The following CCNB3 variants were observed in gnomAD, a reference collection of about 807,000 sequenced individuals.
CCNB3 encodes cyclin B3.
CCNB3 carries 12 observed loss-of-function variants against 68.0 expected under a neutral mutation model. The observed-to-expected ratio is 0.18, with a 90% CI of 0.11 to 0.29. The LOEUF (loss-of-function observed/expected upper bound fraction) is 0.29, where lower values mean the gene tolerates loss of function less well. Ranked by LOEUF, CCNB3 falls within the 10% of genes least tolerant of loss-of-function variation. The pLI, the probability that CCNB3 is intolerant of heterozygous loss-of-function variation, is 1.00. For synonymous variants in CCNB3, 354 were observed against 388.9 expected (o/e 0.91, Z 1.06); for missense variants, 904 against 993.1 (o/e 0.91, Z 1.21).
chrX:50,314,981 G>A (rs1921647567), intron 8 of CCNB3, among the ~76,000 whole-genome samples: 1 of 111,751 alleles, frequency 8.9e-6, no homozygotes, highest in African/African-American at 3.2e-5. Context: ...ATCTCTGCCA[G>A]CTGGAATGAT....
At chrX:50,325,420 A>C (rs73495659) in intron 8 of CCNB3, among the ~76,000 whole-genome samples, 12,762 of 111,738 alleles carry the variant, frequency 0.11, 1,785 homozygotes, top group African/African-American at 0.4. Context: ...GCAAAGGTTC[A>C]CACCAAGGTT....
chrX:50,336,625 C>T (rs1325985051), intron 8 of CCNB3, among the ~76,000 whole-genome samples: 1 of 111,718 alleles, frequency 9.0e-6, no homozygotes, highest in South Asian at 3.8e-4. Flanking sequence ...CATAGAATTG[C>T]GCTGGACTCT....
intron 11 of CCNB3, among the ~76,000 whole-genome samples, chrX:50,350,884 A>G (rs1381331256): frequency 1.8e-5 from 2 of 109,856 alleles, no homozygotes; most frequent in Non-Finnish European, 3.8e-5. Context: ...TTTAAAAGAG[A>G]TAGGGTCTTG....
intron 1 of CCNB3, among the ~76,000 whole-genome samples, chrX:50,226,991 A>G (rs1394952021): frequency 9.0e-5 from 7 of 78,125 alleles, no homozygotes; most frequent in Non-Finnish European, 1.3e-4. Flanking sequence ...TATATATAGA[A>G]TATATAAATA....
chrX:50,305,549 A>G (rs1445616615), intron 5 of CCNB3, among the ~76,000 whole-genome samples: 6 of 110,354 alleles, frequency 5.4e-5, no homozygotes, highest in Non-Finnish European at 3.8e-5. Context: ...AGATATACCT[A>G]ATGTTAAATG....
rs17003318 is a variant in CCNB3 at position 50,312,711 on chromosome X, A to G, written c.3423+79A>G. On this transcript the variant is annotated intron_variant, in intron 7 of 12. Coordinates refer to ENST00000376042, the MANE Select transcript of CCNB3 (RefSeq NM_033031.3). ...TTCCATCCTTCAGTGTGCAAGTTGA[A>G]AGGGGTGGTAATAATGATGATAAAA... 684 of 609,011 alleles carry G rather than the reference A, an allele frequency of 1.1e-3. 5 individuals carry two copies. In the African/African-American group the frequency reaches 0.014, roughly 12 times the overall value. The allele number at this position is 609,011 out of a possible 1,213,427, so 50.2% of individuals were successfully genotyped here. A position where few individuals can be genotyped will look rare whatever the true frequency, so the allele number is the denominator to read the frequency against.
chrX:50,304,844 G>C (rs1377368179), intron 5 of CCNB3, among the ~76,000 whole-genome samples: 1 of 111,927 alleles, frequency 8.9e-6, no homozygotes, highest in African/African-American at 3.3e-5. Context: ...AGTAGGCGAA[G>C]GATATGAACA....
intron 8 of CCNB3, among the ~76,000 whole-genome samples, chrX:50,332,735 C>T (rs1922658437): frequency 2.7e-5 from 3 of 111,485 alleles, no homozygotes; most frequent in Middle Eastern, 4.6e-3. Context: ...CCACTGTGGC[C>T]GCAAAGGGGC....
intron 4 of CCNB3, among the ~76,000 whole-genome samples, chrX:50,291,005 A>G (rs1425154336): frequency 9.0e-6 from 1 of 111,701 alleles, no homozygotes; most frequent in Non-Finnish European, 1.9e-5. Context: ...GAGGTTCCCT[A>G]TATGATAATT....
chrX:50,296,874 G>A (rs1270316841), intron 5 of CCNB3, among the ~76,000 whole-genome samples: 2 of 109,165 alleles, frequency 1.8e-5, no homozygotes, highest in Non-Finnish European at 1.9e-5. Flanking sequence ...TTTCTCTGAT[G>A]GCCAGTGATG....
At chrX:50,287,235 C>T (rs1189873003) in intron 3 of CCNB3, among the ~76,000 whole-genome samples, 2 of 110,877 alleles carry the variant, frequency 1.8e-5, no homozygotes, top group Non-Finnish European at 3.8e-5. Flanking sequence ...AACCTCTAAC[C>T]CTATAGAGAT....
intron 5 of CCNB3, among the ~76,000 whole-genome samples, chrX:50,299,291 C>T (rs1602212432): frequency 9.0e-6 from 1 of 111,186 alleles, no homozygotes. Flanking sequence ...TTTCCCTCTA[C>T]ACACTGCTTT....
intron 1 of CCNB3, among the ~76,000 whole-genome samples, chrX:50,227,072 T>C (rs1314167746): frequency 2.5e-5 from 2 of 79,075 alleles, no homozygotes; most frequent in Non-Finnish European, 4.5e-5. Context: ...TATATACAAA[T>C]ATAAAGAATA....
intron 4 of CCNB3, 48 bp downstream of exon 4, chrX:50,288,935 G>T: frequency 1.2e-6 from 1 of 860,119 alleles, no homozygotes; most frequent in Non-Finnish European, 1.7e-6. Context: ...ATAAGGCTTA[G>T]ACATGCTGTT....
intron 3 of CCNB3, among the ~76,000 whole-genome samples, chrX:50,287,886 G>A (rs782472015): frequency 6.3e-5 from 7 of 110,368 alleles, no homozygotes; most frequent in South Asian, 3.9e-4. Flanking sequence ...ACTCCCCATC[G>A]CTCATATTAC....
intron 11 of CCNB3, among the ~76,000 whole-genome samples, chrX:50,349,656 T>C (rs1282256318): frequency 1.8e-5 from 2 of 112,072 alleles, no homozygotes; most frequent in Non-Finnish European, 3.8e-5. Flanking sequence ...ACTCCCCTAC[T>C]CAGCACGCCA....
At chrX:50,286,863 C>T (rs371062582) in intron 3 of CCNB3, among the ~76,000 whole-genome samples, 21 of 110,720 alleles carry the variant, frequency 1.9e-4, no homozygotes, top group East Asian at 8.6e-4. Flanking sequence ...TTGGCCCGAA[C>T]GGTCTCAATC....
intron 5 of CCNB3, among the ~76,000 whole-genome samples, chrX:50,301,531 T>C (rs1327502386): frequency 8.9e-6 from 1 of 112,006 alleles, no homozygotes; most frequent in East Asian, 2.8e-4. Context: ...GTGTGAGGTG[T>C]CAGTCCGCCC....
At chrX:50,311,532 T>G in intron 6 of CCNB3, 36 bp downstream of exon 6, 2 of 1,022,546 alleles carry the variant, frequency 2.0e-6, no homozygotes, top group Non-Finnish European at 2.7e-6. Context: ...TTAGATAAAT[T>G]GTTCTTTGAT....
Sources: allele counts gnomAD v4.1 joint callset (sites outside exome capture counted in the v4.1 genomes callset), GRCh38; gene constraint gnomAD v4.1.1; transcripts MANE v1.5; gene names NCBI Gene and HGNC (gene_info 2026-07-23, HGNC 2026-07-21).